Variants in ACAP2 observed in about 807,000 individuals in gnomAD.
The protein encoded by ACAP2 is arf-GAP with coiled-coil, ANK repeat and PH domain-containing protein 2.
In ACAP2, 39 loss-of-function variants were observed where a neutral mutation model predicts 115.8. The ratio of observed to expected loss-of-function variants is 0.34; its 90% CI spans 0.26 to 0.44. The LOEUF is 0.44. Among genes scored for constraint, ACAP2 ranks in the 20% least tolerant of loss-of-function variants. The pLI is 1.00. For synonymous variants in ACAP2, 289 were observed against 315.8 expected, an observed-to-expected ratio of 0.92 and a Z score of 0.90; for missense variants, 662 against 927.6, an observed-to-expected ratio of 0.71 and a Z score of 3.72.
intron 15 of ACAP2, among the ~76,000 whole-genome samples, chr3:195,301,350 T>C (rs1456044722): frequency 6.6e-6 from 1 of 152,192 alleles, no homozygotes; most frequent in Non-Finnish European, 1.5e-5. Context: ...CTTCCTAAAG[T>C]GCTGGGATTA....
intron 1 of ACAP2, among the ~76,000 whole-genome samples, chr3:195,420,275 T>A (rs75738007): frequency 0.026 from 3,906 of 152,318 alleles, 144 homozygotes; most frequent in African/African-American, 0.084. Flanking sequence ...CCTAACTTTA[T>A]TTAATGTATA....
chr3:195,293,198 A>C (rs1727382891), intron 18 of ACAP2, among the ~76,000 whole-genome samples: 1 of 152,178 alleles, frequency 6.6e-6, no homozygotes, highest in Admixed American at 6.5e-5. Flanking sequence ...GGGACTTAAG[A>C]AGCAGCAAGA....
intron 4 of ACAP2, among the ~76,000 whole-genome samples, chr3:195,369,825 AATC>A (rs1282541023): frequency 6.6e-6 from 1 of 152,190 alleles, no homozygotes; most frequent in Middle Eastern, 3.2e-3. Context: ...GTCTTTGAGA[AATC>A]ACCACACTGC....
intron 1 of ACAP2, among the ~76,000 whole-genome samples, chr3:195,400,035 G>A (rs1052850115): frequency 2.5e-4 from 38 of 151,714 alleles, no homozygotes; most frequent in Non-Finnish European, 8.8e-5. Flanking sequence ...AAAATTAGCC[G>A]GGTATGGTGG....
intron 1 of ACAP2, among the ~76,000 whole-genome samples, chr3:195,402,302 G>A (rs1250789885): frequency 2.0e-5 from 3 of 152,082 alleles, no homozygotes; most frequent in Non-Finnish European, 4.4e-5. Context: ...ACGTACTTAT[G>A]TGTAACTTTC....
chr3:195,408,048 C>G (rs908521768), intron 1 of ACAP2, among the ~76,000 whole-genome samples: 2 of 152,110 alleles, frequency 1.3e-5, no homozygotes, highest in African/African-American at 4.8e-5. Context: ...ACCGGACAAG[C>G]TAGGTGAAAT....
At chr3:195,367,052 CA>C (rs35590029) in intron 4 of ACAP2, among the ~76,000 whole-genome samples, 1,235 of 76,206 alleles carry the variant, frequency 0.016, 7 homozygotes, top group African/African-American at 0.039. Flanking sequence ...CCAACCCCGC[CA>C]AAAAAAAAAA....
In ACAP2 at chr3:195,291,700, A is replaced by C. The variant is rs374632375; in HGVS notation, c.2063+6T>G. 7.5e-6 allele frequency: 12 copies of C among 1,599,450 alleles called. No individual in the cohort carries two copies. In the African/African-American group the frequency reaches 1.3e-4, roughly 18 times the overall value. ...GTCTCCTTAAATATGAAAGCACTGC[A>C]GTTACCCTGTGTGCCCTAAGACGGT... On this transcript the variant is annotated splice_donor_region_variant and intron_variant, in intron 20 of 22. Coordinates refer to ENST00000326793, the MANE Select transcript of ACAP2 (RefSeq NM_012287.6).
rs1036663268 is a variant in ACAP2, at chr3:195,391,501, C to A, written c.111+589G>T. The stretch of plus-strand genomic sequence containing the variant: ...TCAGCCTCCCAAAGTGCTGGGATTA[C>A]AGGCGTGAGCCACCACACCTGGCCC... On this transcript the variant is annotated intron_variant, in intron 2 of 22. Coordinates refer to ENST00000326793, the MANE Select transcript of ACAP2 (RefSeq NM_012287.6). 2.6e-5 allele frequency among the ~76,000 whole-genome samples: 4 copies of A among 151,898 alleles called. No homozygotes were observed. In the East Asian group the frequency reaches 7.8e-4, roughly 30 times the overall value.
chr3:195,428,327 G>C (rs570399055), intron 1 of ACAP2, among the ~76,000 whole-genome samples: 1 of 136,908 alleles, frequency 7.3e-6, no homozygotes, highest in South Asian at 2.6e-4. Flanking sequence ...CATATATATA[G>C]GTGTGTGTGT....
At chr3:195,364,286 G>A (rs1732565463) in intron 4 of ACAP2, among the ~76,000 whole-genome samples, 1 of 152,164 alleles carries the variant, frequency 6.6e-6, no homozygotes, top group Non-Finnish European at 1.5e-5. Flanking sequence ...CAAAATATCT[G>A]AATAGACGTT....
intron 22 of ACAP2, chr3:195,280,662 T>C (rs1407425024): frequency 1.3e-5 from 2 of 152,170 alleles, no homozygotes; most frequent in Non-Finnish European, 2.9e-5. Flanking sequence ...AAATAGATTA[T>C]AGATACTGAT....
In ACAP2 at chr3:195,291,814, CCCTT is replaced by C. The variant is rs1486918807; in HGVS notation, c.1954-3_1954del. The C allele has an allele frequency of 6.2e-7, 1 of 1,604,842 alleles. No individual in the cohort carries two copies. The highest frequency in any genetic ancestry group is 1.7e-5 in the Admixed American group (1 of 57,598). Reference sequence around the variant, plus strand: ...GAGGAACTCACACGTCACCAAAGAGCCCTTAAAGGAAAAAAGAGGATAACTATAG... The same window carrying C: ...GAGGAACTCACACGTCACCAAAGAGCAAAGGAAAAAAGAGGATAACTATAG... On this transcript the variant is annotated splice_acceptor_variant and splice_polypyrimidine_tract_variant and coding_sequence_variant and intron_variant, in exon 20 of 23. Coordinates refer to ENST00000326793, the MANE Select transcript of ACAP2 (RefSeq NM_012287.6). LOFTEE classifies it high-confidence loss of function.
intron 6 of ACAP2, among the ~76,000 whole-genome samples, chr3:195,341,418 G>A (rs1730868518): frequency 7.1e-6 from 1 of 139,996 alleles, no homozygotes; most frequent in African/African-American, 2.7e-5. Context: ...TCCGCCTCCT[G>A]GGTTCACGCC....
At chr3:195,384,970 T>G (rs1250434603) in intron 2 of ACAP2, among the ~76,000 whole-genome samples, 1 of 152,192 alleles carries the variant, frequency 6.6e-6, no homozygotes, top group African/African-American at 2.4e-5. Flanking sequence ...CAGCTAAGTC[T>G]GCTTAGGTTC....
intron 16 of ACAP2, among the ~76,000 whole-genome samples, chr3:195,296,859 C>G (rs1727686488): frequency 6.6e-6 from 1 of 152,076 alleles, no homozygotes; most frequent in South Asian, 2.1e-4. Context: ...AAACTTGATC[C>G]TTAGAGACAG....
At chr3:195,297,604 G>C (rs1727740495) in intron 15 of ACAP2, among the ~76,000 whole-genome samples, 1 of 151,998 alleles carries the variant, frequency 6.6e-6, no homozygotes, top group Non-Finnish European at 1.5e-5. Context: ...TCCACAGAAA[G>C]GCAAGAAGTA....
In ACAP2 at chr3:195,342,485, C is replaced by T. The variant is rs1251813082; in HGVS notation, c.514G>A (p.Asp172Asn). Residue 172 changes from aspartate (D) to asparagine (N), a missense_variant, in exon 6 of 23, where the codon GAT becomes AAT. Asp to Asn is a conservative substitution (Grantham distance 23, BLOSUM62 1). Coordinates refer to ENST00000326793, the MANE Select transcript of ACAP2 (RefSeq NM_012287.6). Reference protein sequence around the residue: ...TRKCFRHIALDYVLQINVLQS... With the variant: ...TRKCFRHIALNYVLQINVLQS... Reference sequence around the variant, plus strand: ...AAACTATATACCTGAAGCACATAATCGAGGGCTATGTGTCGGAAACATTTT... The same window carrying T: ...AAACTATATACCTGAAGCACATAATTGAGGGCTATGTGTCGGAAACATTTT... 2.5e-6 allele frequency: 4 copies of T among 1,604,286 alleles called. No individual in the cohort carries two copies. The highest frequency in any genetic ancestry group is 1.7e-5 in the Admixed American group (1 of 57,166).
intron 1 of ACAP2, chr3:195,412,921 G>C (rs1400019432): frequency 2.2e-6 from 1 of 456,294 alleles, no homozygotes; most frequent in South Asian, 1.5e-5. Flanking sequence ...CGGCATCTAA[G>C]TGAAGGAAAC....
Sources: gnomAD v4.1 joint callset for allele counts (sites outside exome capture counted in the v4.1 genomes callset) on GRCh38, gnomAD v4.1.1 for gene constraint, MANE v1.5 for transcripts, NCBI Gene and HGNC (gene_info 2026-07-23, HGNC 2026-07-21) for gene names.